PPP2R5C: variants seen among roughly 807,000 people sequenced by gnomAD.
The protein encoded by PPP2R5C is serine/threonine-protein phosphatase 2A 56 kDa regulatory subunit gamma isoform.
Under a neutral mutation model 68.9 loss-of-function variants are expected in PPP2R5C, and 7 were observed. The ratio of observed to expected loss-of-function variants is 0.10; its 90% confidence interval spans 0.06 to 0.19. The LOEUF (loss-of-function observed/expected upper bound fraction) is 0.19, where lower values mean the gene tolerates loss of function less well. PPP2R5C is among the 10% of genes least tolerant of loss of function. The pLI is 1.00. For synonymous variants in PPP2R5C, 210 were observed against 222.2 expected (o/e 0.95, Z 0.49); for missense variants, 348 against 641.3 (o/e 0.54, Z 4.94).
chr14:101,851,496 C>G (rs1047829289), intron 1 of PPP2R5C, among the ~76,000 whole-genome samples: 1 of 152,152 alleles, frequency 6.6e-6, no homozygotes, highest in Admixed American at 6.5e-5. Context: ...ACGCTGTGGT[C>G]TCTGTGTTTG....
At chr14:101,865,716 G>A (rs1380817914) in intron 2 of PPP2R5C, among the ~76,000 whole-genome samples, 1 of 152,190 alleles carries the variant, frequency 6.6e-6, no homozygotes, top group Non-Finnish European at 1.5e-5. Context: ...GATGAAAGGG[G>A]AACACATGGA....
chr14:101,905,274 A>T (rs939561784), intron 9 of PPP2R5C, among the ~76,000 whole-genome samples: 2 of 152,234 alleles, frequency 1.3e-5, no homozygotes, highest in African/African-American at 2.4e-5. Context: ...GAATCGCTTG[A>T]ACCCAGGAGG....
chr14:101,844,190 A>G (rs2041678347), intron 1 of PPP2R5C: 1 of 150,532 alleles, frequency 6.6e-6, no homozygotes, highest in Admixed American at 6.6e-5. Flanking sequence ...GGAGGCCAGA[A>G]CGCAAAGTAG....
At chr14:101,851,891 A>T (rs1000499665) in intron 1 of PPP2R5C, among the ~76,000 whole-genome samples, 2 of 151,984 alleles carry the variant, frequency 1.3e-5, no homozygotes, top group African/African-American at 4.8e-5. Flanking sequence ...ATTCAGCCTT[A>T]CTTCCTCATA....
At chr14:101,905,440 C>T (rs951867320) in intron 9 of PPP2R5C, among the ~76,000 whole-genome samples, 17 of 152,148 alleles carry the variant, frequency 1.1e-4, no homozygotes, top group African/African-American at 4.1e-4. Context: ...AGGTGGATCA[C>T]CTGATCTCAG....
At chr14:101,878,109 G>A (rs557010337) in intron 2 of PPP2R5C, among the ~76,000 whole-genome samples, 2 of 152,234 alleles carry the variant, frequency 1.3e-5, no homozygotes, top group African/African-American at 2.4e-5. Flanking sequence ...TTTGCTCCGA[G>A]CAAGTGCAGA....
At chr14:101,853,983 G>A (rs2042288382) in intron 1 of PPP2R5C, among the ~76,000 whole-genome samples, 1 of 152,088 alleles carries the variant, frequency 6.6e-6, no homozygotes, top group Non-Finnish European at 1.5e-5. Flanking sequence ...GGTAATCCTG[G>A]CAAATTAGGG....
At chr14:101,812,313 A>G (rs1018340508) in intron 1 of PPP2R5C, among the ~76,000 whole-genome samples, 1 of 152,184 alleles carries the variant, frequency 6.6e-6, no homozygotes, top group Admixed American at 6.5e-5. Flanking sequence ...GCAAGAACAC[A>G]CCGGCAGGGT....
At chr14:101,763,532 G>A (rs187369828) in intron 2 of PPP2R5C, among the ~76,000 whole-genome samples, 1 of 152,024 alleles carries the variant, frequency 6.6e-6, no homozygotes. Flanking sequence ...ACAGGCACCC[G>A]CTACCACGCC....
intron 1 of PPP2R5C, among the ~76,000 whole-genome samples, chr14:101,811,744 A>G (rs2039374235): frequency 6.6e-6 from 1 of 152,170 alleles, no homozygotes; most frequent in Non-Finnish European, 1.5e-5. Context: ...AAATAACATA[A>G]ATCTTTTTGG....
At chr14:101,847,691 G>C (rs1213327743) in intron 1 of PPP2R5C, among the ~76,000 whole-genome samples, 1 of 143,974 alleles carries the variant, frequency 6.9e-6, no homozygotes, top group Non-Finnish European at 1.5e-5. Context: ...TTCCTGAGAC[G>C]GAGTCTCTAT....
At chr14:101,785,923 G>C in intron 2 of PPP2R5C, 95 bp from the exon 3 acceptor site, 1 of 1,193,500 alleles carries the variant, frequency 8.4e-7, no homozygotes, top group Non-Finnish European at 1.1e-6. Context: ...GAATGCCCCA[G>C]AGTAAGACTC....
At chr14:101,812,526 C>CTGT (rs2039425422) in intron 1 of PPP2R5C, among the ~76,000 whole-genome samples, 2 of 152,200 alleles carry the variant, frequency 1.3e-5, no homozygotes, top group Admixed American at 1.3e-4. Context: ...CAAACCCAGA[C>CTGT]TGTTGTGTTG....
chr14:101,797,000 C>T (rs1213095959), intron 3 of PPP2R5C: 8 of 368,898 alleles, frequency 2.2e-5, no homozygotes, highest in Non-Finnish European at 4.3e-5. Context: ...GTATTAGATA[C>T]ATTCAAAATG....
chr14:101,780,785 G>A (rs548384671), intron 2 of PPP2R5C, among the ~76,000 whole-genome samples: 72 of 152,144 alleles, frequency 4.7e-4, no homozygotes, highest in African/African-American at 1.6e-3. Flanking sequence ...AGTTTGTTCC[G>A]TTTACGATAA....
intron 12 of PPP2R5C, among the ~76,000 whole-genome samples, chr14:101,914,814 G>A (rs1474059770): frequency 1.3e-5 from 2 of 152,136 alleles, no homozygotes; most frequent in Non-Finnish European, 2.9e-5. Context: ...ACATAAATGT[G>A]TTTCTCCTAA....
chr14:101,762,550 C>T (rs1315722699), intron 1 of PPP2R5C, among the ~76,000 whole-genome samples: 2 of 151,994 alleles, frequency 1.3e-5, no homozygotes, highest in Non-Finnish European at 2.9e-5. Context: ...AGCTCTGTAG[C>T]GTTTCATTAT....
chr14:101,888,256 C>T lies in PPP2R5C; in HGVS notation c.630-1981C>T, dbSNP rs543392037. 2.6e-5 allele frequency among the ~76,000 whole-genome samples: 4 copies of T among 151,802 alleles called. No individual in the cohort carries two copies. The highest frequency in any genetic ancestry group is 4.2e-4 in the South Asian group (2 of 4,784). On this transcript the variant is annotated intron_variant, in intron 5 of 13. Coordinates refer to ENST00000334743, the Ensembl canonical transcript of PPP2R5C. The surrounding 1 kb of genome is among the most constrained non-coding windows in gnomAD (Gnocchi z 5.6). ...TAGTAAACTGAAGCCACACGGCTGC[C>T]GTGTATGCAAAGGGAGCCTGCAGGG... is the stretch of plus-strand genomic sequence containing the variant.
chr14:101,799,505 G>A (rs189710653), intron 3 of PPP2R5C, among the ~76,000 whole-genome samples: 6 of 152,296 alleles, frequency 3.9e-5, no homozygotes, highest in African/African-American at 9.6e-5. Flanking sequence ...CATGCTGAGC[G>A]ACAGCTCTGT....
Sources: gnomAD v4.1 joint callset for allele counts (sites outside exome capture counted in the v4.1 genomes callset) on GRCh38, gnomAD v4.1.1 for gene constraint, Gnocchi (gnomAD v3.1) non-coding constraint, MANE v1.5 for transcripts, NCBI Gene and HGNC (gene_info 2026-07-23, HGNC 2026-07-21) for gene names.